Variants in AP1S3 observed in about 807,000 individuals in gnomAD.
AP1S3 encodes adaptor related protein complex 1 subunit sigma 3.
AP1S3 carries 10 observed loss-of-function variants against 20.9 expected under a neutral mutation model. That is an observed-to-expected ratio of 0.48 (90% CI 0.29 to 0.81). The LOEUF is 0.81. Among genes scored for constraint, AP1S3 ranks in the 30% least tolerant of loss-of-function variants. The pLI, the probability that AP1S3 is intolerant of heterozygous loss-of-function variation, is 0.08. For synonymous variants in AP1S3, 41 were observed against 61.5 expected (o/e 0.67, Z 1.56); for missense variants, 154 against 183.8 (o/e 0.84, Z 0.94).
intron 1 of AP1S3, among the ~76,000 whole-genome samples, chr2:223,824,623 C>T (rs186200729): frequency 4.4e-4 from 67 of 152,210 alleles, no homozygotes; most frequent in Non-Finnish European, 9.1e-4. Flanking sequence ...TTGTAACCTC[C>T]CCCTCCCAGG....
chr2:223,790,421 G>C (rs1403016496), intron 1 of AP1S3, among the ~76,000 whole-genome samples: 3 of 152,012 alleles, frequency 2.0e-5, no homozygotes, highest in Non-Finnish European at 4.4e-5. Flanking sequence ...TTTTAGCAGA[G>C]ATGGGGTTTC....
In AP1S3 at chr2:223,833,241, A is replaced by AATACATACATACATAC. The variant is rs56906676; in HGVS notation, c.3+4191_3+4206dup. Reference sequence around the variant, plus strand: ...CCCACAGCTATCTTGTTAAAGGCAAAATACATACATACATACATACATACA... The same window carrying AATACATACATACATAC: ...CCCACAGCTATCTTGTTAAAGGCAAAATACATACATACATACATACATACATACATACATACATACA... On this transcript the variant is annotated intron_variant, in intron 1 of 4. Coordinates refer to ENST00000396654, the MANE Select transcript of AP1S3 (RefSeq NM_001039569.2). Among the ~76,000 whole-genome samples the AATACATACATACATAC allele has an allele frequency of 3.9e-3, 574 of 148,548 alleles. 5 individuals carry two copies. Among genetic ancestry groups the AATACATACATACATAC allele is most frequent in the African/African-American group, 0.013 (511 of 40,046 alleles).
Position 223,777,872 on chromosome 2 carries a change from A to C in AP1S3, c.4-3T>G. The C allele has an allele frequency of 6.2e-7, 1 of 1,608,152 alleles. No homozygotes were observed. Among genetic ancestry groups the C allele is most frequent in the Non-Finnish European group, 8.5e-7 (1 of 1,177,414 alleles). ...CTGAAGAGCAATATGAAATGTATCTAGAACAAAGGACACAAAAAACAGAAC... is the reference window on the plus strand; with the variant it reads ...CTGAAGAGCAATATGAAATGTATCTCGAACAAAGGACACAAAAAACAGAAC... On this transcript the variant is annotated splice_polypyrimidine_tract_variant and splice_region_variant and intron_variant, in intron 1 of 4. Transcript: ENST00000396654.
chr2:223,766,718 G>C (rs778794083), intron 3 of AP1S3, among the ~76,000 whole-genome samples: 1 of 152,186 alleles, frequency 6.6e-6, no homozygotes, highest in Non-Finnish European at 1.5e-5. Context: ...TATACCAAAG[G>C]ATTATAAATC....
intron 1 of AP1S3, among the ~76,000 whole-genome samples, chr2:223,785,547 GA>G (rs1243735917): frequency 1.3e-5 from 2 of 151,930 alleles, no homozygotes; most frequent in African/African-American, 4.8e-5. Flanking sequence ...TCTATAATTA[GA>G]AAAAAATGCT....
At chr2:223,770,807 A>G (rs1364408399) in intron 3 of AP1S3, among the ~76,000 whole-genome samples, 3 of 141,646 alleles carry the variant, frequency 2.1e-5, no homozygotes, top group African/African-American at 8.1e-5. Flanking sequence ...AGCTTGCTGC[A>G]ACCCCTGCCT....
intron 1 of AP1S3, among the ~76,000 whole-genome samples, chr2:223,805,593 A>G (rs1691561447): frequency 6.6e-6 from 1 of 152,208 alleles, no homozygotes; most frequent in African/African-American, 2.4e-5. Context: ...CAGGTACTTT[A>G]TATATTTATC....
At chr2:223,803,335 T>C (rs989687059) in intron 1 of AP1S3, among the ~76,000 whole-genome samples, 2 of 152,218 alleles carry the variant, frequency 1.3e-5, no homozygotes, top group South Asian at 2.1e-4. Context: ...GGAGCTAAAA[T>C]GGTATGCAAA....
intron 2 of AP1S3, among the ~76,000 whole-genome samples, chr2:223,776,490 G>T (rs1398055384): frequency 1.3e-5 from 2 of 152,192 alleles, no homozygotes; most frequent in Non-Finnish European, 2.9e-5. Flanking sequence ...GCAGGCACTT[G>T]CTGGTAATTT....
intron 1 of AP1S3, among the ~76,000 whole-genome samples, chr2:223,788,070 C>T (rs560813850): frequency 2.6e-5 from 4 of 152,050 alleles, no homozygotes; most frequent in Admixed American, 2.6e-4. Flanking sequence ...CCTCAGCCTC[C>T]TGAGTAGCTG....
intron 1 of AP1S3, among the ~76,000 whole-genome samples, chr2:223,808,058 T>C (rs1691629792): frequency 6.6e-6 from 1 of 151,792 alleles, no homozygotes; most frequent in African/African-American, 2.4e-5. Flanking sequence ...CCCAGCTAAT[T>C]TTTGTATTTT....
chr2:223,826,509 C>T (rs1222250899), intron 1 of AP1S3, among the ~76,000 whole-genome samples: 1 of 152,126 alleles, frequency 6.6e-6, no homozygotes, highest in Non-Finnish European at 1.5e-5. Context: ...ATGAGAATCG[C>T]TTGAACCCGG....
intron 1 of AP1S3, among the ~76,000 whole-genome samples, chr2:223,831,563 G>C (rs1692258094): frequency 6.6e-6 from 1 of 152,136 alleles, no homozygotes. Flanking sequence ...AGCTTCAAAT[G>C]GTTTAAAGGG....
chr2:223,790,377 A>T (rs1199288888), intron 1 of AP1S3, among the ~76,000 whole-genome samples: 1 of 151,958 alleles, frequency 6.6e-6, no homozygotes, highest in Non-Finnish European at 1.5e-5. Flanking sequence ...GATTACAGGC[A>T]CCTGTCACCA....
At chr2:223,769,502 T>C (rs1690558319) in intron 3 of AP1S3, among the ~76,000 whole-genome samples, 1 of 152,194 alleles carries the variant, frequency 6.6e-6, no homozygotes, top group Non-Finnish European at 1.5e-5. Flanking sequence ...TGTCTACAAA[T>C]TGCTTCTTAA....
chr2:223,768,591 A>G (rs1690536178), intron 3 of AP1S3, among the ~76,000 whole-genome samples: 1 of 152,220 alleles, frequency 6.6e-6, no homozygotes, highest in Non-Finnish European at 1.5e-5. Flanking sequence ...ATGGTGGCTC[A>G]CGTCTGTAAT....
intron 1 of AP1S3, among the ~76,000 whole-genome samples, chr2:223,799,717 T>A (rs1208650843): frequency 6.6e-6 from 1 of 152,206 alleles, no homozygotes; most frequent in African/African-American, 2.4e-5. Context: ...CACAAAATTC[T>A]AGCATTAGAA....
At chr2:223,758,867 G>C in intron 4 of AP1S3, 117 bp from the exon 5 acceptor site, 2 of 806,550 alleles carry the variant, frequency 2.5e-6, no homozygotes, top group Non-Finnish European at 3.8e-6. Context: ...GTTGTCAAAA[G>C]GATACATGGA....
intron 3 of AP1S3, among the ~76,000 whole-genome samples, chr2:223,769,607 T>C (rs1257800774): frequency 1.6e-5 from 1 of 61,732 alleles, no homozygotes; most frequent in African/African-American, 9.6e-5. Context: ...CTGTTGTATA[T>C]GTTTCAGCTA....
Sources: allele counts gnomAD v4.1 joint callset (sites outside exome capture counted in the v4.1 genomes callset), GRCh38; gene constraint gnomAD v4.1.1; transcripts MANE v1.5; gene names NCBI Gene and HGNC (gene_info 2026-07-23, HGNC 2026-07-21).